Variants in KHDRBS2 observed in about 807,000 individuals in gnomAD.
The protein encoded by KHDRBS2 is KH RNA binding domain containing, signal transduction associated 2, also known as KH domain-containing, RNA-binding, signal transduction-associated protein 2.
Under a neutral mutation model 44.3 loss-of-function variants are expected in KHDRBS2, and 26 were observed. That is an observed-to-expected ratio of 0.59 (90% CI 0.43 to 0.81). KHDRBS2 has a LOEUF of 0.81. Ranked by LOEUF, KHDRBS2 falls within the 40% of genes least tolerant of loss-of-function variation. The pLI is 0.00. For synonymous variants in KHDRBS2, 194 were observed against 151.1 expected (o/e 1.28, Z -2.08); for missense variants, 476 against 433.1 (o/e 1.10, Z -0.88).
intron 2 of KHDRBS2, among the ~76,000 whole-genome samples, chr6:62,136,202 T>G (rs1047159015): frequency 7.9e-5 from 12 of 152,172 alleles, no homozygotes; most frequent in African/African-American, 2.7e-4. Context: ...ACAATAAAAT[T>G]TTTTAAATGT....
At chr6:61,947,536 G>A (rs1568110) in intron 4 of KHDRBS2, among the ~76,000 whole-genome samples, 52,064 of 151,904 alleles carry the variant, frequency 0.34, 9,086 homozygotes, top group Middle Eastern at 0.41. Context: ...GAAGGGCTAA[G>A]GGGAAATGCA....
intron 1 of KHDRBS2, among the ~76,000 whole-genome samples, chr6:62,257,938 G>C (rs192402178): frequency 1.3e-5 from 2 of 151,944 alleles, no homozygotes; most frequent in Non-Finnish European, 2.9e-5. Flanking sequence ...CCTGAAGCAT[G>C]TTTAACTAGT....
intron 6 of KHDRBS2, among the ~76,000 whole-genome samples, chr6:61,823,268 C>G (rs1259376171): frequency 6.6e-6 from 1 of 152,016 alleles, no homozygotes; most frequent in East Asian, 1.9e-4. Context: ...TTCCCCAGAT[C>G]ATCAGTGAGG....
chr6:62,018,923 AT>A (rs1303030670), intron 3 of KHDRBS2, among the ~76,000 whole-genome samples: 13 of 152,078 alleles, frequency 8.5e-5, no homozygotes, highest in Non-Finnish European at 1.5e-4. Context: ...TGTGCACATA[AT>A]TTTTCTAATG....
Position 62,228,250 on chromosome 6 carries a change from G to T in KHDRBS2, c.92-50938C>A, listed in dbSNP as rs867538830. Among the ~76,000 whole-genome samples, 13 of 152,184 alleles carry T rather than the reference G, an allele frequency of 8.5e-5. No homozygotes were observed. The South Asian group carries it at 2.5e-3, about 29-fold the overall frequency. On this transcript the variant is annotated intron_variant, in intron 1 of 8. Coordinates refer to ENST00000281156, the MANE Select transcript of KHDRBS2 (RefSeq NM_152688.4). ...TTCAACTTATTCCTAATTTAGTCTTGGGAGGGTATATGTGTCCAGGAATGT... is the reference window on the plus strand; with the variant it reads ...TTCAACTTATTCCTAATTTAGTCTTTGGAGGGTATATGTGTCCAGGAATGT...
chr6:62,172,400 T>C (rs953024453), intron 2 of KHDRBS2, among the ~76,000 whole-genome samples: 3 of 152,092 alleles, frequency 2.0e-5, no homozygotes, highest in Admixed American at 6.6e-5. Context: ...TAAGCATATA[T>C]GCATGCAACA....
At chr6:61,712,263 C>G (rs555971580) in intron 7 of KHDRBS2, among the ~76,000 whole-genome samples, 74 of 151,918 alleles carry the variant, frequency 4.9e-4, no homozygotes, top group African/African-American at 1.6e-3. Flanking sequence ...AATCACACAG[C>G]AAAGGTCATG....
chr6:61,940,486 G>T (rs1811930726), intron 4 of KHDRBS2, among the ~76,000 whole-genome samples: 1 of 152,138 alleles, frequency 6.6e-6, no homozygotes, highest in South Asian at 2.1e-4. Context: ...AGTGGAGGGT[G>T]GTTGTGCTGG....
intron 4 of KHDRBS2, among the ~76,000 whole-genome samples, chr6:61,939,496 T>C (rs1811719574): frequency 6.6e-6 from 1 of 152,206 alleles, no homozygotes; most frequent in Non-Finnish European, 1.5e-5. Context: ...TCACTAGTGC[T>C]TGTCAGCAGT....
intron 2 of KHDRBS2, among the ~76,000 whole-genome samples, chr6:62,084,615 T>G (rs1164104664): frequency 1.3e-5 from 2 of 152,126 alleles, no homozygotes; most frequent in Non-Finnish European, 2.9e-5. Flanking sequence ...AACGACAAGG[T>G]TTTCTCTGAA....
At chr6:61,804,805 C>T (rs1221502157) in intron 6 of KHDRBS2, among the ~76,000 whole-genome samples, 3 of 152,158 alleles carry the variant, frequency 2.0e-5, no homozygotes. Flanking sequence ...CACAAAGAAG[C>T]AAGACCCTGG....
chr6:61,872,636 T>C (rs538964694), intron 6 of KHDRBS2, among the ~76,000 whole-genome samples: 2 of 152,224 alleles, frequency 1.3e-5, no homozygotes, highest in Admixed American at 6.5e-5. Flanking sequence ...ATATAGGCCA[T>C]GAACAAGACA....
At chr6:61,608,331 TATGTGTGTGTG>T in the KHDRBS2 span, among the ~76,000 whole-genome samples, 5 of 46,492 alleles carry the variant, frequency 1.1e-4, no homozygotes, top group East Asian at 2.0e-3. Context: ...TATATATACA[TATGTGTGTGTG>T]TGTGTGTGTG....
rs768757375 is a variant in KHDRBS2, at chr6:61,954,872, A to ATG, written c.483+23192_483+23193dup. ...TATGCATGTGTATATACACATACAT[A>ATG]TGTGTATATATGTATATATACACAT... On this transcript the variant is annotated intron_variant, in intron 4 of 8. Coordinates refer to ENST00000281156, the MANE Select transcript of KHDRBS2 (RefSeq NM_152688.4). Among the ~76,000 whole-genome samples, 127 of 101,532 alleles carry ATG rather than the reference A, an allele frequency of 1.3e-3. 5 individuals are homozygous for ATG. The highest frequency in any genetic ancestry group is 3.9e-3 in the African/African-American group (113 of 29,062). The allele number at this position is 101,532 out of a possible 152,430, so 66.6% of individuals were successfully genotyped here. A position where few individuals can be genotyped will look rare whatever the true frequency, so the allele number is the denominator to read the frequency against.
intron 1 of KHDRBS2, among the ~76,000 whole-genome samples, chr6:62,279,987 A>T (rs1248271100): frequency 6.6e-6 from 1 of 152,236 alleles, no homozygotes; most frequent in Non-Finnish European, 1.5e-5. Context: ...GGAGACAGAG[A>T]GGAGCTGTTT....
the KHDRBS2 span, among the ~76,000 whole-genome samples, chr6:61,591,065 C>G: frequency 2.0e-5 from 3 of 152,124 alleles, no homozygotes; most frequent in South Asian, 6.2e-4. Context: ...AGCCAGAACA[C>G]ATTTAAAATG....
chr6:61,730,086 AT>A (rs1410113600), intron 7 of KHDRBS2, among the ~76,000 whole-genome samples: 1 of 152,150 alleles, frequency 6.6e-6, no homozygotes, highest in Non-Finnish European at 1.5e-5. Context: ...TCTGAAAAAA[AT>A]AGTTTACTAA....
chr6:61,570,687 A>C, the KHDRBS2 span, among the ~76,000 whole-genome samples: 15 of 152,186 alleles, frequency 9.9e-5, no homozygotes, highest in African/African-American at 3.1e-4. Flanking sequence ...CAGATAACCT[A>C]TAGAGGAAAA....
At chr6:62,253,030 G>A (rs1432483219) in intron 1 of KHDRBS2, among the ~76,000 whole-genome samples, 1 of 151,936 alleles carries the variant, frequency 6.6e-6, no homozygotes, top group African/African-American at 2.4e-5. Context: ...ACACTGGGTG[G>A]CTTTTCTCTT....
Sources: gnomAD v4.1 joint callset for allele counts (sites outside exome capture counted in the v4.1 genomes callset) on GRCh38, gnomAD v4.1.1 for gene constraint, MANE v1.5 for transcripts, NCBI Gene and HGNC (gene_info 2026-07-23, HGNC 2026-07-21) for gene names.